Variants in CDC42BPA observed in about 807,000 individuals in gnomAD.
The protein encoded by CDC42BPA is serine/threonine-protein kinase MRCK alpha.
Under a neutral mutation model 223.5 loss-of-function variants are expected in CDC42BPA, and 80 were observed. The observed-to-expected ratio is 0.36, with a 90% CI of 0.30 to 0.43. The LOEUF (loss-of-function observed/expected upper bound fraction) is 0.43, where lower values mean the gene tolerates loss of function less well. CDC42BPA is among the 20% of genes least tolerant of loss of function. CDC42BPA has a pLI of 1.00. For synonymous variants in CDC42BPA, 694 were observed against 718.6 expected (o/e 0.97, Z 0.55); for missense variants, 1,743 against 2,099.9 (o/e 0.83, Z 3.32).
intron 5 of CDC42BPA, 153 bp downstream of exon 5, chr1:227,193,633 A>C (rs1409792532): frequency 1.7e-6 from 1 of 594,336 alleles, no homozygotes; most frequent in Non-Finnish European, 2.8e-6. Flanking sequence ...AACAACAACA[A>C]AGCAAAACAA....
intron 17 of CDC42BPA, among the ~76,000 whole-genome samples, chr1:227,079,769 A>G (rs2149126298): frequency 6.6e-6 from 1 of 152,226 alleles, no homozygotes; most frequent in East Asian, 1.9e-4. Context: ...AAAATTCCCT[A>G]CAAATGACTG....
At chr1:227,253,240 A>G (rs79687512) in intron 2 of CDC42BPA, among the ~76,000 whole-genome samples, 9 of 143,076 alleles carry the variant, frequency 6.3e-5, no homozygotes, top group African/African-American at 1.3e-4. Context: ...GAGAGAGAGA[A>G]AGAGAGCGAG....
chr1:227,286,802 C>T (rs974366274), intron 1 of CDC42BPA, among the ~76,000 whole-genome samples: 2 of 152,164 alleles, frequency 1.3e-5, no homozygotes, highest in Non-Finnish European at 2.9e-5. Flanking sequence ...ATGGTGAGGG[C>T]TTCAAGAAGC....
intron 5 of CDC42BPA, among the ~76,000 whole-genome samples, chr1:227,175,198 A>G (rs1666747533): frequency 6.6e-6 from 1 of 152,194 alleles, no homozygotes; most frequent in Admixed American, 6.5e-5. Context: ...GAACTTATAT[A>G]GAATTCATGG....
In CDC42BPA at chr1:227,080,972, C is replaced by T. The variant is rs376208066; in HGVS notation, c.2401G>A (p.Glu801Lys). The T allele has an allele frequency of 2.0e-5, 32 of 1,613,454 alleles. No homozygotes were observed. In the South Asian group the frequency reaches 3.0e-4, roughly 15 times the overall value. ...ENLSIHNQQL[E>K]EEVKDLADKK... ...TCTGCTAGATCTTTAACCTCTTCTT[C>T]TAACTGCTGGTTGTGTATACTTAAG... is the stretch of plus-strand genomic sequence containing the variant. Residue 801 changes from glutamate (E) to lysine (K), a missense_variant, in exon 17 of 37, where the codon GAA becomes AAA. Transcript: ENST00000366766.
chr1:227,058,476 T>C (rs1675058779), intron 21 of CDC42BPA, among the ~76,000 whole-genome samples: 1 of 152,196 alleles, frequency 6.6e-6, no homozygotes, highest in Non-Finnish European at 1.5e-5. Flanking sequence ...CTGGTGAACA[T>C]TACGAATTTG....
chr1:227,286,086 G>A (rs181332425), intron 1 of CDC42BPA, among the ~76,000 whole-genome samples: 1 of 152,228 alleles, frequency 6.6e-6, no homozygotes, highest in African/African-American at 2.4e-5. Flanking sequence ...TTTTCATCAT[G>A]CTACTCTCTC....
At chr1:227,128,057 G>A (rs939901680) in intron 11 of CDC42BPA, among the ~76,000 whole-genome samples, 5 of 152,036 alleles carry the variant, frequency 3.3e-5, no homozygotes, top group Admixed American at 6.5e-5. Context: ...ACAACAATCA[G>A]TAAGGCTCTA....
At chr1:227,006,664 C>T (rs1422161028) in intron 34 of CDC42BPA, among the ~76,000 whole-genome samples, 2 of 152,080 alleles carry the variant, frequency 1.3e-5, no homozygotes, top group Non-Finnish European at 2.9e-5. Context: ...TGGCCAGGCA[C>T]GGTGGCTCAG....
chr1:227,156,712 C>T (rs887736041), intron 6 of CDC42BPA, among the ~76,000 whole-genome samples: 4 of 152,154 alleles, frequency 2.6e-5, no homozygotes, highest in East Asian at 1.9e-4. Context: ...ATTTGCATTT[C>T]GAATGCATTC....
intron 29 of CDC42BPA, 76 bp downstream of exon 29, chr1:227,030,332 T>C (rs576251728): frequency 2.0e-5 from 17 of 864,198 alleles, no homozygotes; most frequent in Non-Finnish European, 3.2e-5. Context: ...CTGCTCTTTG[T>C]AGAATTTAGA....
At chr1:227,027,139 C>T (rs149294350) in intron 30 of CDC42BPA, among the ~76,000 whole-genome samples, 1 of 151,994 alleles carries the variant, frequency 6.6e-6, no homozygotes, top group Non-Finnish European at 1.5e-5. Flanking sequence ...ATAGTTAATT[C>T]CCAAGATCTG....
chr1:227,120,009 TA>T, intron 11 of CDC42BPA, 72 bp from the exon 12 acceptor site: 1 of 1,259,586 alleles, frequency 7.9e-7, no homozygotes, highest in South Asian at 1.5e-5. Flanking sequence ...GTAAAACAAC[TA>T]AAATTTTTTT....
intron 5 of CDC42BPA, among the ~76,000 whole-genome samples, chr1:227,167,816 C>T (rs1157381059): frequency 2.0e-5 from 3 of 152,124 alleles, no homozygotes; most frequent in East Asian, 1.9e-4. Flanking sequence ...ATTTTAAGTG[C>T]CTTGGATTCC....
chr1:227,093,624 A>C (rs973352570), intron 15 of CDC42BPA, among the ~76,000 whole-genome samples: 1 of 152,196 alleles, frequency 6.6e-6, no homozygotes, highest in Non-Finnish European at 1.5e-5. Flanking sequence ...GCCAATCATT[A>C]ATCAATGTTA....
chr1:227,042,394 C>G (rs1024441085), intron 23 of CDC42BPA, among the ~76,000 whole-genome samples: 1 of 151,386 alleles, frequency 6.6e-6, no homozygotes, highest in African/African-American at 2.4e-5. Flanking sequence ...ATATAACAAC[C>G]CAGTGTTTTG....
chr1:227,149,294 G>C (rs965200480), intron 6 of CDC42BPA, among the ~76,000 whole-genome samples: 1 of 152,166 alleles, frequency 6.6e-6, no homozygotes, highest in Admixed American at 6.6e-5. Flanking sequence ...AAGTTCCCAA[G>C]CCAAGAAACC....
chr1:227,158,897 C>T (rs890196281), intron 6 of CDC42BPA, among the ~76,000 whole-genome samples: 1 of 152,170 alleles, frequency 6.6e-6, no homozygotes, highest in Non-Finnish European at 1.5e-5. Flanking sequence ...CCTGCATATT[C>T]CAGCTGCTGC....
intron 26 of CDC42BPA, among the ~76,000 whole-genome samples, chr1:227,034,086 A>G (rs1669811172): frequency 6.6e-6 from 1 of 152,222 alleles, no homozygotes; most frequent in Non-Finnish European, 1.5e-5. Context: ...ATGGATGGAT[A>G]TATCTGAACT....
Sources: allele counts gnomAD v4.1 joint callset (sites outside exome capture counted in the v4.1 genomes callset), GRCh38; gene constraint gnomAD v4.1.1; transcripts MANE v1.5; gene names NCBI Gene and HGNC (gene_info 2026-07-23, HGNC 2026-07-21).